The following ZNF365 variants were observed in gnomAD, a reference collection of about 807,000 sequenced individuals.
ZNF365 encodes the protein protein ZNF365.
Under a neutral mutation model 35.0 loss-of-function variants are expected in ZNF365, and 22 were observed. That is an observed-to-expected ratio of 0.63 (90% CI 0.45 to 0.90). The LOEUF is 0.90. Ranked by LOEUF, ZNF365 falls within the 40% of genes least tolerant of loss-of-function variation. The pLI is 0.00. For synonymous variants in ZNF365, 188 were observed against 196.2 expected (o/e 0.96, Z 0.35); for missense variants, 448 against 500.3 (o/e 0.90, Z 1.00).
chr10:62,412,765 CAGAG>C (rs1554825515), intron 3 of ZNF365, among the ~76,000 whole-genome samples: 7 of 152,036 alleles, frequency 4.6e-5, no homozygotes, highest in Non-Finnish European at 2.9e-5. Context: ...TAAAGGAAAT[CAGAG>C]AGGACACAAA....
intron 3 of ZNF365, among the ~76,000 whole-genome samples, chr10:62,433,767 A>G (rs1840367111): frequency 6.6e-6 from 1 of 152,228 alleles, no homozygotes; most frequent in African/African-American, 2.4e-5. Flanking sequence ...TGTTTTCACA[A>G]CAAGGAAATA....
chr10:62,459,933 C>T lies in ZNF365; in HGVS notation c.981+136C>T, dbSNP rs1364435692. On this transcript the variant is annotated intron_variant, in intron 4 of 4. Coordinates refer to the ZNF365 transcript ENST00000395255. Reference sequence around the variant, plus strand: ...ATGAAAACACACATTTTCACATTCTCCTTCTCCCAAGTCATCATTAGCAAG... The same window carrying T: ...ATGAAAACACACATTTTCACATTCTTCTTCTCCCAAGTCATCATTAGCAAG... 23 of 730,960 alleles carry T rather than the reference C, an allele frequency of 3.1e-5. 1 individual carries two copies. The Middle Eastern group carries it at 1.2e-3, about 37-fold the overall frequency. 45.3% of individuals were successfully genotyped at this position (730,960 alleles called of 1,614,324 possible).
At position 62,400,259 on chromosome 10, in the gene ZNF365, T is replaced by C; in HGVS notation, c.*470T>C. 1.0e-6 allele frequency: 1 copy of C among 987,598 alleles called. No individual in the cohort carries two copies. The highest frequency in any genetic ancestry group is 1.2e-6 in the Non-Finnish European group (1 of 831,024). The allele number at this position is 987,598 out of a possible 1,614,324, so 61.2% of individuals were successfully genotyped here. A position where few individuals can be genotyped will look rare whatever the true frequency, so the allele number is the denominator to read the frequency against. ...AAAATATTTGTGTTTGTGTATAACC[T>C]TCCCCTCAGCTAATTTGAAAGCCTC... On this transcript the variant is annotated 3_prime_UTR_variant, in exon 5 of 5. Transcript: ENST00000395254.
At position 62,480,115 on chromosome 10, in the gene ZNF365, A is replaced by T. The variant is rs1589479141; in HGVS notation, c.*219A>T. On this transcript the variant is annotated 3_prime_UTR_variant, in exon 5 of 5. Coordinates refer to the ZNF365 transcript ENST00000395255. ...TCCAGGTCCTCCCTAACAAGACTGCAGACTTCCTGAGGGCACAGCCCACCC... is the reference window on the plus strand; with the variant it reads ...TCCAGGTCCTCCCTAACAAGACTGCTGACTTCCTGAGGGCACAGCCCACCC... The T allele has an allele frequency of 4.5e-6, 6 of 1,332,006 alleles. No homozygotes were observed. In the East Asian group the frequency reaches 1.7e-4, roughly 38 times the overall value. The allele number at this position is 1,332,006 out of a possible 1,614,324, so 82.5% of individuals were successfully genotyped here.
At chr10:62,388,992 A>AT (rs1839576326) in intron 3 of ZNF365, among the ~76,000 whole-genome samples, 1 of 151,950 alleles carries the variant, frequency 6.6e-6, no homozygotes, top group Non-Finnish European at 1.5e-5. Context: ...CCACATACAC[A>AT]TTTTTTTCCT....
chr10:62,447,455 G>A (rs960748251), intron 3 of ZNF365, among the ~76,000 whole-genome samples: 1 of 152,122 alleles, frequency 6.6e-6, no homozygotes, highest in Admixed American at 6.6e-5. Context: ...TGAAATACTG[G>A]TCACTCACAC....
At chr10:62,474,716 G>A (rs1841099591) in intron 4 of ZNF365, among the ~76,000 whole-genome samples, 1 of 152,038 alleles carries the variant, frequency 6.6e-6, no homozygotes, top group Non-Finnish European at 1.5e-5. Context: ...CTTCTTGATG[G>A]CAGTCTTTAT....
At chr10:62,462,892 T>A (rs1468322850) in intron 4 of ZNF365, among the ~76,000 whole-genome samples, 1 of 152,182 alleles carries the variant, frequency 6.6e-6, no homozygotes, top group Non-Finnish European at 1.5e-5. Context: ...CTACAAGGGA[T>A]CTATCTCTGC....
intron 3 of ZNF365, among the ~76,000 whole-genome samples, chr10:62,418,652 T>G (rs1002885346): frequency 2.6e-5 from 4 of 152,094 alleles, no homozygotes; most frequent in Non-Finnish European, 4.4e-5. Context: ...TGAAAATACG[T>G]GGGCGAAGTA....
Position 62,398,788 on chromosome 10 carries a change from AT to A in ZNF365, c.962+16del. 1 of 1,609,464 alleles carries A rather than the reference AT, an allele frequency of 6.2e-7. No individual in the cohort carries two copies. On this transcript the variant is annotated intron_variant, in intron 4 of 4. Coordinates refer to ENST00000395254, the MANE Select transcript of ZNF365 (RefSeq NM_014951.3). ...GAAGCCCAAATGCCTGTATGTATGT[AT>A]TTTTATACTTGGGCCATTTGATAAT...
chr10:62,467,138 T>A (rs1204518667), intron 4 of ZNF365, among the ~76,000 whole-genome samples: 3 of 152,248 alleles, frequency 2.0e-5, no homozygotes, highest in Admixed American at 6.5e-5. Flanking sequence ...GCAAGGCAAC[T>A]GGAATAAAAT....
chr10:62,427,794 G>A (rs1026674610), intron 3 of ZNF365, among the ~76,000 whole-genome samples: 11 of 152,126 alleles, frequency 7.2e-5, no homozygotes, highest in Admixed American at 2.0e-4. Flanking sequence ...AGGCTTGTAG[G>A]TGCTAGAAGG....
In ZNF365 at chr10:62,388,560, A is replaced by T; in HGVS notation, c.908A>T (p.Asp303Val). The change falls in exon 3 of 5, where the codon GAT (aspartate) becomes GTT (valine). Residue 303 changes from aspartate to valine, a missense_variant. By Grantham distance (152) the Asp-to-Val change is radical. This residue lies in a region of ZNF365 where 362 missense variants were observed against 375.7 expected (regional missense o/e 0.96). Coordinates refer to ENST00000395254, the MANE Select transcript of ZNF365 (RefSeq NM_014951.3). Reference protein sequence around the residue: ...QSQQASGFVRDLSGHVLTDIS... With the variant: ...QSQQASGFVRVLSGHVLTDIS... Reference sequence around the variant, plus strand: ...CAGCAGGCCTCTGGCTTTGTCCGTGATCTCAGCGGGCACGTGGTGAGTCAC... The same window carrying T: ...CAGCAGGCCTCTGGCTTTGTCCGTGTTCTCAGCGGGCACGTGGTGAGTCAC... 1.9e-6 allele frequency: 3 copies of T among 1,613,962 alleles called. No individual in the cohort carries two copies. Among genetic ancestry groups the T allele is most frequent in the Non-Finnish European group, 2.5e-6 (3 of 1,180,016 alleles).
At chr10:62,392,384 A>C (rs1053007035) in intron 3 of ZNF365, among the ~76,000 whole-genome samples, 1 of 152,204 alleles carries the variant, frequency 6.6e-6, no homozygotes, top group Non-Finnish European at 1.5e-5. Flanking sequence ...CTTAGATTTA[A>C]GACCTCGATC....
At chr10:62,461,513 C>G (rs1389253817) in intron 4 of ZNF365, among the ~76,000 whole-genome samples, 1 of 152,238 alleles carries the variant, frequency 6.6e-6, no homozygotes, top group Non-Finnish European at 1.5e-5. Context: ...CTGGGCTTTC[C>G]TGACCGTGTT....
intron 4 of ZNF365, among the ~76,000 whole-genome samples, chr10:62,461,941 G>A (rs1350377878): frequency 7.2e-5 from 11 of 151,888 alleles, no homozygotes; most frequent in Admixed American, 2.0e-4. Flanking sequence ...TAAATTCTGC[G>A]GGCAAACAGG....
At chr10:62,430,370 C>T (rs929460610) in intron 3 of ZNF365, among the ~76,000 whole-genome samples, 1 of 149,616 alleles carries the variant, frequency 6.7e-6, no homozygotes, top group Middle Eastern at 3.3e-3. Context: ...TTAGTAGAGA[C>T]GGGGTTTCAC....
chr10:62,380,272 A>G (rs1198127696), intron 2 of ZNF365, among the ~76,000 whole-genome samples: 1 of 152,218 alleles, frequency 6.6e-6, no homozygotes, highest in South Asian at 2.1e-4. Context: ...TGTGCCATCA[A>G]TGAGACAGCA....
intron 3 of ZNF365, among the ~76,000 whole-genome samples, chr10:62,443,858 TA>T (rs1174973974): frequency 2.0e-5 from 3 of 151,680 alleles, no homozygotes; most frequent in African/African-American, 4.8e-5. Flanking sequence ...AATGTTAACT[TA>T]AAAAAAAATT....
Sources: allele counts gnomAD v4.1 joint callset (sites outside exome capture counted in the v4.1 genomes callset), GRCh38; gene constraint gnomAD v4.1.1; regional missense constraint gnomAD v4.1.1; transcripts MANE v1.5; gene names NCBI Gene and HGNC (gene_info 2026-07-23, HGNC 2026-07-21).